The following MUTYH variants were observed in gnomAD, a reference collection of about 807,000 sequenced individuals.
MUTYH encodes adenine DNA glycosylase.
A neutral mutation model predicts 72.9 loss-of-function variants in MUTYH; 64 were observed. The observed-to-expected ratio is 0.88, with a 90% CI of 0.72 to 1.08. The LOEUF is 1.08. MUTYH is among the 50% of genes least tolerant of loss of function. The probability of loss-of-function intolerance (pLI) is 0.00; values close to 1 mark genes in which losing one functional copy is unlikely to be tolerated. For missense variants in MUTYH, 633 were observed against 671.0 expected (o/e 0.94, Z 0.63); for synonymous variants, 234 against 263.1 (o/e 0.89, Z 1.07).
intron 8 of MUTYH, 32 bp from the exon 9 acceptor site, chr1:45,332,520 G>A: frequency 6.2e-7 from 1 of 1,613,962 alleles, no homozygotes; most frequent in South Asian, 1.1e-5. Flanking sequence ...GTTAGCCTGG[G>A]CTGGGAGGAA....
chr1:45,340,167 C>A (rs1246376784), upstream of MUTYH: 6 of 1,607,964 alleles, frequency 3.7e-6, no homozygotes, highest in Non-Finnish European at 5.1e-6. Context: ...GACCCCGCCC[C>A]ATCCCCGACT....
At position 45,339,892 on chromosome 1, in the gene MUTYH, CCG is replaced by C; in HGVS notation, c.-7+5_-7+6del. 7.1e-7 allele frequency: 1 copy of C among 1,404,250 alleles called. No individual in the cohort carries two copies. Among genetic ancestry groups the C allele is most frequent in the Non-Finnish European group, 9.5e-7 (1 of 1,052,868 alleles). The allele number at this position is 1,404,250 out of a possible 1,614,324, so 87.0% of individuals were successfully genotyped here. On this transcript the variant is annotated splice_donor_5th_base_variant and intron_variant, in intron 1 of 15. Coordinates refer to ENST00000456914, the MANE Select transcript of MUTYH (RefSeq NM_001048174.2). ...AGCCCAAACCCAGCCACCCCACTAC[CCG>C]CTACCCGCGGCCCACGCTGATGAAG...
intron 1 of MUTYH, among the ~76,000 whole-genome samples, chr1:45,335,048 A>C (rs1645675518): frequency 6.6e-6 from 1 of 152,192 alleles, no homozygotes; most frequent in African/African-American, 2.4e-5. Context: ...GAGATTAGCT[A>C]TTTTTATTCC....
Position 45,332,063 on chromosome 1 carries a change from G to A in MUTYH, c.873C>T (p.Ala291=), listed in dbSNP as rs1057521985. Residue 291 remains alanine, a synonymous_variant, in exon 11 of 16, where the codon GCC becomes GCT. Transcript: ENST00000456914. ...CAGGACTGCCCGACAGGCTCCCTGA[G>A]GCTAAGAGCTGTTCCTGCTCCACCT... The part of the protein sequence containing the change: ...RQRVEQEQLL[A]SGSLSGSPDV... The A allele has an allele frequency of 6.2e-7, 1 of 1,614,090 alleles. No homozygotes were observed. The highest frequency in any genetic ancestry group is 8.5e-7 in the Non-Finnish European group (1 of 1,180,034).
At chr1:45,330,609 A>C in intron 14 of MUTYH, 52 bp from the exon 15 acceptor site, 1 of 1,566,342 alleles carries the variant, frequency 6.4e-7, no homozygotes, top group Non-Finnish European at 8.7e-7. Context: ...AAAAGAGATA[A>C]ACCGGTGTTC....
In MUTYH at chr1:45,332,779, T is replaced by C. The variant is rs757503642; in HGVS notation, c.476A>G (p.Gln159Arg). 1 of 1,614,156 alleles carries C rather than the reference T, an allele frequency of 6.2e-7. No individual in the cohort carries two copies. Among genetic ancestry groups the C allele is most frequent in the Non-Finnish European group, 8.5e-7 (1 of 1,180,002 alleles). The change falls in exon 7 of 16, where the codon CAG becomes CGG. Residue 159 changes from glutamine to arginine, a missense_variant. Gln to Arg is a conservative substitution (Grantham distance 43). Transcript: ENST00000456914. ...LGYYSRGRRL[Q>R]EGARKVVEEL... Reference sequence around the variant, plus strand: ...TCCCCTTACCTTCCGAGCTCCCTCCTGCAGCCGCCGGCCACGAGAATAGTA... The same window carrying C: ...TCCCCTTACCTTCCGAGCTCCCTCCCGCAGCCGCCGGCCACGAGAATAGTA...
intron 1 of MUTYH, chr1:45,338,220 C>T (rs1337876084): frequency 1.9e-6 from 1 of 530,138 alleles, no homozygotes; most frequent in Non-Finnish European, 3.7e-6. Flanking sequence ...GCTGCCACAC[C>T]CTTGCTCTTA....
upstream of MUTYH, chr1:45,340,290 C>G: frequency 6.2e-7 from 1 of 1,613,330 alleles, no homozygotes. Context: ...GTTTCAGCTC[C>G]CGCAGCTTCC....
chr1:45,329,481 G>A (rs752187426), intron 15 of MUTYH, 44 bp from the exon 16 acceptor site: 3 of 1,611,040 alleles, frequency 1.9e-6, no homozygotes, highest in African/African-American at 2.7e-5. Context: ...TTGGGGGAGG[G>A]GGAGCAGAGA....
At chr1:45,338,745 T>TTTG in intron 1 of MUTYH, 1 of 41,600 alleles carries the variant, frequency 2.4e-5, no homozygotes, top group Non-Finnish European at 5.8e-5. Context: ...TTTATTTTTG[T>TTTG]TTTTTTTTTG....
In MUTYH at chr1:45,331,212, G is replaced by A. The variant is rs1314572965; in HGVS notation, c.1362C>T (p.His454=). The A allele has an allele frequency of 6.2e-7, 1 of 1,614,140 alleles. No homozygotes were observed. The highest frequency in any genetic ancestry group is 1.3e-5 in the African/African-American group (1 of 74,948). ...GARWLTQEEF[H]TAAVSTAMKK... ...TCATGGCGGTGGAAACAGCTGCGGT[G>A]TGAAATTCCTCCTGCGTCAGCCAGC... The change falls in exon 14 of 16, where the codon CAC becomes CAT. Residue 454 remains histidine (H), a synonymous_variant. Coordinates refer to ENST00000456914, the MANE Select transcript of MUTYH (RefSeq NM_001048174.2).
intron 1 of MUTYH, 94 bp downstream of exon 1, chr1:45,339,805 C>A: frequency 7.7e-7 from 1 of 1,294,816 alleles, no homozygotes; most frequent in Non-Finnish European, 1.0e-6. Flanking sequence ...ACACGACCCT[C>A]TCCTAGTCTA....
chr1:45,330,648 T>C, intron 14 of MUTYH, 91 bp from the exon 15 acceptor site: 1 of 1,454,790 alleles, frequency 6.9e-7, no homozygotes. Flanking sequence ...CCAGTACTTT[T>C]GTTTAAAATA....
At position 45,331,926 on chromosome 1, in the gene MUTYH, G is replaced by A. The variant is rs1313091213; in HGVS notation, c.914-77C>T. The A allele has an allele frequency of 4.3e-6, 7 of 1,611,516 alleles. No individual in the cohort carries two copies. The Admixed American group carries it at 6.7e-5, about 15-fold the overall frequency. ...CAACCTAGAGAGTGGGCTTTGGCCG[G>A]GTTCTGCAGAATCTTACTCAGGTTA... On this transcript the variant is annotated intron_variant, in intron 11 of 15. Transcript: ENST00000456914.
At position 45,338,283 on chromosome 1, in the gene MUTYH, C is replaced by T. The variant is rs115736558; in HGVS notation, c.-7+1616G>A. 1.6e-3 allele frequency: 831 copies of T among 533,162 alleles called. 5 individuals are homozygous for T. The highest frequency in any genetic ancestry group is 0.014 in the African/African-American group (761 of 53,890). The allele number at this position is 533,162 out of a possible 1,614,324, so 33.0% of individuals were successfully genotyped here. On this transcript the variant is annotated intron_variant, in intron 1 of 15. Transcript: ENST00000456914. ...CAGGTCCAGTGATCCGGGCACCATC[C>T]GCCTCATCCCCTCACTATGCTCTAG...
upstream of MUTYH, chr1:45,340,124 C>A (rs1646783847): frequency 3.2e-6 from 5 of 1,568,128 alleles, no homozygotes; most frequent in Admixed American, 9.5e-5. Flanking sequence ...GACGTCTGAA[C>A]GGAAGTTCGA....
At chr1:45,330,203 A>G (rs1411249458) in intron 15 of MUTYH, 2 of 301,312 alleles carry the variant, frequency 6.6e-6, no homozygotes, top group East Asian at 1.3e-4. Context: ...ACTGCACTCT[A>G]GCTTGGGTGA....
chr1:45,330,701 G>T, intron 14 of MUTYH, 144 bp from the exon 15 acceptor site: 1 of 1,044,374 alleles, frequency 9.6e-7, no homozygotes, highest in Non-Finnish European at 1.5e-6. Flanking sequence ...TATAATCCCA[G>T]CATTTTGGGA....
intron 2 of MUTYH, 101 bp from the exon 3 acceptor site, chr1:45,333,662 T>TC: frequency 6.6e-7 from 1 of 1,521,868 alleles, no homozygotes; most frequent in Non-Finnish European, 8.8e-7. Flanking sequence ...ACTTAGGGCT[T>TC]CCCCCAACTA....
Sources: gnomAD v4.1 joint callset for allele counts (sites outside exome capture counted in the v4.1 genomes callset) on GRCh38, gnomAD v4.1.1 for gene constraint, MANE v1.5 for transcripts, NCBI Gene and HGNC (gene_info 2026-07-23, HGNC 2026-07-21) for gene names.